NTM: variants seen among roughly 807,000 people sequenced by gnomAD.
NTM encodes the protein neurotrimin.
NTM carries 13 observed loss-of-function variants against 42.1 expected under a neutral mutation model. The observed-to-expected ratio is 0.31, with a 90% confidence interval of 0.20 to 0.49. NTM has a LOEUF of 0.49. Among genes scored for constraint, NTM ranks in the 20% least tolerant of loss-of-function variants. The pLI, the probability that NTM is intolerant of heterozygous loss-of-function variation, is 0.99. For missense variants in NTM, 373 were observed against 452.8 expected (o/e 0.82, Z 1.60); for synonymous variants, 187 against 179.2 (o/e 1.04, Z -0.35).
At chr11:131,730,332 A>G (rs1272501039) in intron 1 of NTM, among the ~76,000 whole-genome samples, 2 of 152,206 alleles carry the variant, frequency 1.3e-5, no homozygotes, top group Non-Finnish European at 2.9e-5. Flanking sequence ...ACATGGACAC[A>G]TATGTGGAGC....
chr11:131,475,845 A>G (rs962636801), intron 1 of NTM, among the ~76,000 whole-genome samples: 2 of 152,214 alleles, frequency 1.3e-5, no homozygotes, highest in Non-Finnish European at 2.9e-5. Flanking sequence ...TGAGGAAAAA[A>G]TGATGTTACT....
intron 1 of NTM, among the ~76,000 whole-genome samples, chr11:131,865,579 C>G (rs1250511142): frequency 6.6e-6 from 1 of 152,160 alleles, no homozygotes; most frequent in Non-Finnish European, 1.5e-5. Flanking sequence ...CATGCACGTG[C>G]TTAGCCTGGC....
intron 1 of NTM, among the ~76,000 whole-genome samples, chr11:131,863,372 C>A (rs1672113745): frequency 6.6e-6 from 1 of 152,122 alleles, no homozygotes; most frequent in Non-Finnish European, 1.5e-5. Context: ...TATTGCAAAC[C>A]TGGTGTCAGC....
At chr11:131,691,279 A>G (rs2074661511) in intron 1 of NTM, among the ~76,000 whole-genome samples, 1 of 152,186 alleles carries the variant, frequency 6.6e-6, no homozygotes, top group Admixed American at 6.5e-5. Context: ...AGGCCCAGCA[A>G]GCGCCCCTCT....
chr11:131,811,478 A>C (rs1330410906), intron 1 of NTM, among the ~76,000 whole-genome samples: 2 of 152,186 alleles, frequency 1.3e-5, no homozygotes, highest in Non-Finnish European at 2.9e-5. Flanking sequence ...AGGTGGAGGA[A>C]GAGCGAGTGG....
At chr11:131,546,748 C>T (rs1047968369) in intron 1 of NTM, 1 of 152,236 alleles carries the variant, frequency 6.6e-6, no homozygotes, top group Non-Finnish European at 1.5e-5. Flanking sequence ...CAAAGCTGCC[C>T]AGTGACCCTA....
At chr11:131,784,697 C>T (rs545032603) in intron 1 of NTM, among the ~76,000 whole-genome samples, 1 of 152,284 alleles carries the variant, frequency 6.6e-6, no homozygotes, top group East Asian at 1.9e-4. Flanking sequence ...GACACATATA[C>T]ACACATATGT....
At chr11:131,793,497 C>T (rs564345528) in intron 1 of NTM, among the ~76,000 whole-genome samples, 5 of 152,322 alleles carry the variant, frequency 3.3e-5, no homozygotes, top group South Asian at 2.1e-4. Context: ...GCATTATCTC[C>T]ATCTTACAGA....
At chr11:132,047,664 G>T (rs1181563350) in intron 2 of NTM, among the ~76,000 whole-genome samples, 2 of 152,222 alleles carry the variant, frequency 1.3e-5, no homozygotes, top group South Asian at 2.1e-4. Flanking sequence ...TGACCCGGTG[G>T]CCAGGCAGGG....
At chr11:131,547,702 A>G (rs1321528159) in intron 1 of NTM, among the ~76,000 whole-genome samples, 3 of 152,140 alleles carry the variant, frequency 2.0e-5, no homozygotes, top group Non-Finnish European at 2.9e-5. Flanking sequence ...TCTAAGATGG[A>G]GTCACTTACG....
chr11:131,634,639 T>C (rs1012126321), intron 1 of NTM, among the ~76,000 whole-genome samples: 3 of 64,244 alleles, frequency 4.7e-5, no homozygotes, highest in Non-Finnish European at 9.3e-5. Context: ...GACAACCCAC[T>C]AGAAAAAAGA....
chr11:131,701,719 T>C (rs1401523953), intron 1 of NTM, among the ~76,000 whole-genome samples: 3 of 152,158 alleles, frequency 2.0e-5, no homozygotes, highest in African/African-American at 4.8e-5. Flanking sequence ...TTTCTTCATT[T>C]AATGGTGTGT....
intron 1 of NTM, among the ~76,000 whole-genome samples, chr11:131,398,819 C>T (rs1413774450): frequency 6.6e-6 from 1 of 152,170 alleles, no homozygotes; most frequent in African/African-American, 2.4e-5. Flanking sequence ...ACACAGACCC[C>T]AAGTGAGGTC....
At chr11:132,248,242 G>T (rs564171640) in intron 4 of NTM, among the ~76,000 whole-genome samples, 2 of 152,262 alleles carry the variant, frequency 1.3e-5, no homozygotes, top group East Asian at 3.9e-4. Flanking sequence ...GTAGAGTTGA[G>T]ATAATAATAG....
chr11:131,423,010 G>T (rs1044650882), intron 1 of NTM, among the ~76,000 whole-genome samples: 7 of 152,184 alleles, frequency 4.6e-5, no homozygotes, highest in African/African-American at 1.7e-4. Context: ...TGTATTAGAT[G>T]CCCTACATCT....
intron 4 of NTM, among the ~76,000 whole-genome samples, chr11:132,252,457 T>A (rs2092047794): frequency 6.6e-6 from 1 of 151,808 alleles, no homozygotes; most frequent in Non-Finnish European, 1.5e-5. Context: ...AGGGTGGAAA[T>A]GGGAGAGGAG....
intron 2 of NTM, among the ~76,000 whole-genome samples, chr11:132,009,506 T>A (rs1002787284): frequency 6.6e-6 from 1 of 152,228 alleles, no homozygotes; most frequent in African/African-American, 2.4e-5. Context: ...GCACTGACAC[T>A]GTGCCTGGTC....
At chr11:131,795,969 G>C in intron 1 of NTM, 1 of 984,466 alleles carries the variant, frequency 1.0e-6, no homozygotes, top group Non-Finnish European at 1.2e-6. Context: ...CAGATGGGAG[G>C]AAGGGAAAAA....
intron 1 of NTM, among the ~76,000 whole-genome samples, chr11:131,750,969 C>T (rs1468752795): frequency 1.3e-5 from 2 of 152,092 alleles, no homozygotes; most frequent in Non-Finnish European, 2.9e-5. Context: ...AGCATTAGCC[C>T]ACCTCCACCC....
Sources: gnomAD v4.1 joint callset for allele counts (sites outside exome capture counted in the v4.1 genomes callset) on GRCh38, gnomAD v4.1.1 for gene constraint, MANE v1.5 for transcripts, NCBI Gene and HGNC (gene_info 2026-07-23, HGNC 2026-07-21) for gene names.